SGIP1: variants seen among roughly 807,000 people sequenced by gnomAD.
SGIP1 encodes SH3-containing GRB2-like protein 3-interacting protein 1.
A neutral mutation model predicts 107.5 loss-of-function variants in SGIP1; 38 were observed. That is an observed-to-expected ratio of 0.35 (90% confidence interval 0.27 to 0.46). The LOEUF (loss-of-function observed/expected upper bound fraction) is 0.46. Among genes scored for constraint, SGIP1 ranks in the 20% least tolerant of loss-of-function variants. SGIP1 has a pLI of 1.00. For missense variants in SGIP1, 929 were observed against 1,019.5 expected, an observed-to-expected ratio of 0.91 and a Z score of 1.21; for synonymous variants, 365 against 366.1, an observed-to-expected ratio of 1.00 and a Z score of 0.03.
intron 1 of SGIP1, among the ~76,000 whole-genome samples, chr1:66,598,725 T>A (rs1414351721): frequency 6.6e-6 from 1 of 152,126 alleles, no homozygotes; most frequent in Non-Finnish European, 1.5e-5. Context: ...AATAACTCAG[T>A]ATCACCAGAA....
chr1:66,736,227 T>G (rs1026068866), intron 21 of SGIP1, among the ~76,000 whole-genome samples: 18 of 145,196 alleles, frequency 1.2e-4, no homozygotes, highest in Admixed American at 4.8e-4. Context: ...TATACAAATA[T>G]TTTAAATATA....
intron 18 of SGIP1, among the ~76,000 whole-genome samples, chr1:66,714,866 A>G (rs2093139359): frequency 6.6e-6 from 1 of 152,074 alleles, no homozygotes; most frequent in African/African-American, 2.4e-5. Flanking sequence ...TAGTCTTCTT[A>G]GGCCATAAGG....
At chr1:66,542,932 A>G (rs2055356876) in intron 1 of SGIP1, among the ~76,000 whole-genome samples, 1 of 152,230 alleles carries the variant, frequency 6.6e-6, no homozygotes, top group Non-Finnish European at 1.5e-5. Context: ...TAACTGGAAA[A>G]TCTTGCTCAT....
chr1:66,556,769 T>C (rs538896608), intron 1 of SGIP1, among the ~76,000 whole-genome samples: 3 of 152,124 alleles, frequency 2.0e-5, no homozygotes, highest in East Asian at 3.9e-4. Flanking sequence ...CCATCATGGC[T>C]AAAATGATCT....
chr1:66,742,671 G>A (rs1005836763), intron 24 of SGIP1, among the ~76,000 whole-genome samples: 4 of 148,456 alleles, frequency 2.7e-5, no homozygotes, highest in South Asian at 2.1e-4. Context: ...GGGTTTCACC[G>A]TGTTAGCCAG....
At chr1:66,539,743 C>T (rs1273292416) in intron 1 of SGIP1, among the ~76,000 whole-genome samples, 1 of 152,170 alleles carries the variant, frequency 6.6e-6, no homozygotes, top group South Asian at 2.1e-4. Context: ...CATGGAGTTA[C>T]CAATTCTCTT....
intron 1 of SGIP1, among the ~76,000 whole-genome samples, chr1:66,543,308 G>A (rs1050390493): frequency 3.9e-5 from 6 of 152,062 alleles, no homozygotes; most frequent in South Asian, 2.1e-4. Flanking sequence ...AGGACAGCTC[G>A]GTGTTCACTG....
In SGIP1 at chr1:66,684,009, G is replaced by A. The variant is rs544913429; in HGVS notation, c.1315+1640G>A. 2.9e-5 allele frequency: 44 copies of A among 1,497,050 alleles called. No individual in the cohort carries two copies. In the Middle Eastern group the frequency reaches 7.0e-4, roughly 24 times the overall value. 92.7% of individuals were successfully genotyped at this position (1,497,050 alleles called of 1,614,324 possible). ...TGGGATTATAGGCTTGAGCTACCGC[G>A]CCCAGCCCTAAATGCTTTTTGGCCC... On this transcript the variant is annotated intron_variant, in intron 15 of 24. Coordinates refer to ENST00000371037, the MANE Select transcript of SGIP1 (RefSeq NM_032291.4).
rs185472278 is a variant in SGIP1 at position 66,587,320 on chromosome 1, T to C, written c.11-38527T>C. On this transcript the variant is annotated intron_variant, in intron 1 of 24. Transcript: ENST00000371037. ...TCTCTCCTTCTGAGACTCCAAATGATAACTATTTTGTTATAGTCTCACATG... is the reference window on the plus strand; with the variant it reads ...TCTCTCCTTCTGAGACTCCAAATGACAACTATTTTGTTATAGTCTCACATG... Among the ~76,000 whole-genome samples, 173 of 152,164 alleles carry C rather than the reference T, an allele frequency of 1.1e-3. 1 individual carries two copies. Among genetic ancestry groups the C allele is most frequent in the Admixed American group, 7.5e-3 (115 of 15,278 alleles).
chr1:66,711,984 C>T (rs892117213), intron 18 of SGIP1, among the ~76,000 whole-genome samples: 1 of 152,166 alleles, frequency 6.6e-6, no homozygotes, highest in Admixed American at 6.6e-5. Flanking sequence ...TGAAGAAGCA[C>T]AGTCAAGACT....
intron 7 of SGIP1, among the ~76,000 whole-genome samples, chr1:66,653,129 A>T (rs2079071693): frequency 6.6e-6 from 1 of 152,220 alleles, no homozygotes; most frequent in Non-Finnish European, 1.5e-5. Flanking sequence ...GCTAGAGTTA[A>T]CACATGAGAC....
At chr1:66,646,741 C>G (rs145835666) in intron 7 of SGIP1, among the ~76,000 whole-genome samples, 1 of 152,218 alleles carries the variant, frequency 6.6e-6, no homozygotes, top group African/African-American at 2.4e-5. Context: ...AGAAGCAAGA[C>G]AAATCAAGAT....
Position 66,548,399 on chromosome 1 carries a change from C to T in SGIP1, c.10+14031C>T, listed in dbSNP as rs139152861. ...TCATTGGCACCATCACTATTGAGGT[C>T]GGTAGGCTCAAAGTGAAGGTTTAAT... On this transcript the variant is annotated intron_variant, in intron 1 of 24. Transcript: ENST00000371037. 6.4e-3 allele frequency among the ~76,000 whole-genome samples: 969 copies of T among 152,040 alleles called. 5 individuals are homozygous for T. Among genetic ancestry groups the T allele is most frequent in the African/African-American group, 0.022 (899 of 41,492 alleles).
At chr1:66,675,670 G>A (rs2085142290) in intron 12 of SGIP1, among the ~76,000 whole-genome samples, 2 of 149,938 alleles carry the variant, frequency 1.3e-5, no homozygotes, top group African/African-American at 4.9e-5. Flanking sequence ...GAGTAGCTGG[G>A]ATCACAGGCA....
intron 4 of SGIP1, among the ~76,000 whole-genome samples, chr1:66,637,962 A>G (rs2076118092): frequency 6.6e-6 from 1 of 151,894 alleles, no homozygotes; most frequent in Admixed American, 6.6e-5. Flanking sequence ...TTATCATGGA[A>G]GCAAACTGTA....
Position 66,690,404 on chromosome 1 carries a change from G to C in SGIP1, c.1570+88G>C. 3 of 1,541,538 alleles carry C rather than the reference G, an allele frequency of 1.9e-6. No homozygotes were observed. In the South Asian group the frequency reaches 3.6e-5, roughly 19 times the overall value. On this transcript the variant is annotated intron_variant, in intron 17 of 24. Coordinates refer to ENST00000371037, the MANE Select transcript of SGIP1 (RefSeq NM_032291.4). ...GAAATCCCCAAGGCCCTGTGTTTCT[G>C]GTTGAAATTGTTTTGCTGTGTGTTT...
intron 1 of SGIP1, among the ~76,000 whole-genome samples, chr1:66,545,885 T>G (rs1345137550): frequency 1.3e-5 from 2 of 152,136 alleles, no homozygotes; most frequent in Non-Finnish European, 2.9e-5. Flanking sequence ...TTATACCTGC[T>G]TTGTTCCTTG....
rs143623692 is a variant in SGIP1, at chr1:66,575,809, A to G, written c.10+41441A>G. 2.6e-5 allele frequency among the ~76,000 whole-genome samples: 4 copies of G among 152,304 alleles called. No homozygotes were observed. The East Asian group carries it at 7.7e-4, about 29-fold the overall frequency. The stretch of plus-strand genomic sequence containing the variant: ...TAAATAAAATGTGTGGTGTGTGTGT[A>G]TGTTTAAAGCTTAAATAGAAACCAC... On this transcript the variant is annotated intron_variant, in intron 1 of 24. Transcript: ENST00000371037.
intron 1 of SGIP1, among the ~76,000 whole-genome samples, chr1:66,539,421 C>G (rs2054369105): frequency 6.6e-6 from 1 of 152,120 alleles, no homozygotes; most frequent in African/African-American, 2.4e-5. Context: ...GGCCTCTATT[C>G]TTGGAACTTG....
Sources: allele counts gnomAD v4.1 joint callset (sites outside exome capture counted in the v4.1 genomes callset), GRCh38; gene constraint gnomAD v4.1.1; transcripts MANE v1.5; gene names NCBI Gene and HGNC (gene_info 2026-07-23, HGNC 2026-07-21).